MGST1: variants seen among roughly 807,000 people sequenced by gnomAD.
MGST1 encodes the protein glutathione S-transferase 12.
Under a neutral mutation model 8.9 loss-of-function variants are expected in MGST1, and 5 were observed. The ratio of observed to expected loss-of-function variants is 0.56; its 90% confidence interval spans 0.29 to 1.19. The LOEUF (loss-of-function observed/expected upper bound fraction) is 1.19. MGST1 is among the 50% of genes most tolerant of loss of function. The pLI, the probability that MGST1 is intolerant of heterozygous loss-of-function variation, is 0.08. For synonymous variants in MGST1, 54 were observed against 67.8 expected (o/e 0.80, Z 1.00); for missense variants, 182 against 187.4 (o/e 0.97, Z 0.17).
downstream of MGST1, among the ~76,000 whole-genome samples, chr12:16,365,750 C>CAT (rs3029451): frequency 0.53 from 79,583 of 151,464 alleles, 21,572 homozygotes; most frequent in East Asian, 0.68. Flanking sequence ...CGCGCACACA[C>CAT]ACACACACAC....
Position 16,389,947 on chromosome 12 carries a change from G to A in MGST1, n.778+6343G>A, listed in dbSNP as rs1940535652. Among the ~76,000 whole-genome samples, 1 of 152,198 alleles carries A rather than the reference G, an allele frequency of 6.6e-6. No homozygotes were observed. The highest frequency in any genetic ancestry group is 2.4e-5 in the African/African-American group (1 of 41,442). ...AGAGAGCAATGCTCTTGTGAAAAGG[G>A]AGTTGAAGTGCAATACAGACTGCAG... is the stretch of plus-strand genomic sequence containing the variant. On this transcript the variant is annotated intron_variant and non_coding_transcript_variant, in intron 1 of 1. Transcript: ENST00000359720. This position sits in a 1 kb window ranked among gnomAD's most constrained non-coding sequence, Gnocchi z 4.6.
rs879631774 is a variant in MGST1, at chr12:16,458,413, C to T, written n.482+74809C>T. Among the ~76,000 whole-genome samples, 1 of 151,976 alleles carries T rather than the reference C, an allele frequency of 6.6e-6. No individual in the cohort carries two copies. The highest frequency in any genetic ancestry group is 2.4e-5 in the African/African-American group (1 of 41,414). Reference sequence around the variant, plus strand: ...GAGCATAGATGTTGGACCCAGAGTTCTCCAAACTAAATTGTACTCTGAAGC... The same window carrying T: ...GAGCATAGATGTTGGACCCAGAGTTTTCCAAACTAAATTGTACTCTGAAGC... On this transcript the variant is annotated intron_variant and non_coding_transcript_variant, in intron 4 of 4. Coordinates refer to the MGST1 transcript ENST00000538857. This position sits in a 1 kb window ranked among gnomAD's most constrained non-coding sequence, Gnocchi z 4.0.
In MGST1 at chr12:16,508,187, G is replaced by C. The variant is rs1766540086; in HGVS notation, n.483-81341G>C. 2.6e-5 allele frequency among the ~76,000 whole-genome samples: 4 copies of C among 152,236 alleles called. No homozygotes were observed. In the East Asian group the frequency reaches 5.8e-4, roughly 22 times the overall value. ...TATGAAGAGCTTCGTACTAAATAGA[G>C]ACTTAGTACATTGCTGGTAAATGAA... On this transcript the variant is annotated intron_variant and non_coding_transcript_variant, in intron 4 of 4. Coordinates refer to the MGST1 transcript ENST00000538857.
chr12:16,460,053 G>T (rs935349562), intron 4 of MGST1, among the ~76,000 whole-genome samples: 3 of 152,022 alleles, frequency 2.0e-5, no homozygotes, highest in Non-Finnish European at 4.4e-5. Flanking sequence ...AAGAACAATA[G>T]AACATACTCT....
At chr12:16,409,977 G>GA (rs1012646419) in intron 1 of MGST1, among the ~76,000 whole-genome samples, 104 of 152,148 alleles carry the variant, frequency 6.8e-4, no homozygotes, top group African/African-American at 2.4e-3. Context: ...TTATCTCAGA[G>GA]ATAAATCCCT....
At chr12:16,519,629 G>C (rs1040701308) in intron 4 of MGST1, among the ~76,000 whole-genome samples, 12 of 98,356 alleles carry the variant, frequency 1.2e-4, no homozygotes, top group Admixed American at 1.2e-4. Context: ...CATGCTTTTT[G>C]CTAACAAATA....
chr12:16,466,731 T>C (rs1304586216), intron 4 of MGST1, among the ~76,000 whole-genome samples: 3 of 152,154 alleles, frequency 2.0e-5, no homozygotes, highest in Admixed American at 6.5e-5. Context: ...ATAGCAAAAG[T>C]AAGGCAAGGG....
rs1196977244 is a variant in MGST1 at position 16,369,831 on chromosome 12, C to T, written c.222-6291C>T. On this transcript the variant is annotated intron_variant, in intron 3 of 3. Transcript: ENST00000535309. The surrounding 1 kb of genome is among the most constrained non-coding windows in gnomAD (Gnocchi z 4.8). ...AGACAGGAAATGGAACTGCATAAAT[C>T]TCCTTTCAAGAGTCTGCAATCATTA... is the stretch of plus-strand genomic sequence containing the variant. 2 of 152,188 alleles carry T rather than the reference C, an allele frequency of 1.3e-5. No homozygotes were observed. Among genetic ancestry groups the T allele is most frequent in the Non-Finnish European group, 2.9e-5 (2 of 68,040 alleles). The allele number at this position is 152,188 out of a possible 1,614,324, so 9.4% of individuals were successfully genotyped here. A position where few individuals can be genotyped will look rare whatever the true frequency, so the allele number is the denominator to read the frequency against.
intron 4 of MGST1, among the ~76,000 whole-genome samples, chr12:16,567,917 TG>T: frequency 1.3e-5 from 2 of 152,246 alleles, no homozygotes; most frequent in East Asian, 3.9e-4. Flanking sequence ...TTGGACTTAC[TG>T]AGTAGCGATC....
At position 16,589,437 on chromosome 12, in the gene MGST1, G is replaced by A. The variant is rs972685849; in HGVS notation, n.483-91G>A. On this transcript the variant is annotated intron_variant and non_coding_transcript_variant, in intron 4 of 4. Coordinates refer to the MGST1 transcript ENST00000538857. The surrounding 1 kb of genome is among the most constrained non-coding windows in gnomAD (Gnocchi z 4.2). The stretch of plus-strand genomic sequence containing the variant: ...TGACTTCACAGTAAAAAATTAGGTC[G>A]TAGTGCAGATGAAAGCCTCCGTATA... 10 of 152,004 alleles carry A rather than the reference G, an allele frequency of 6.6e-5. No homozygotes were observed. The highest frequency in any genetic ancestry group is 9.7e-5 in the African/African-American group (4 of 41,382). The allele number at this position is 152,004 out of a possible 1,614,324, so 9.4% of individuals were successfully genotyped here.
chr12:16,435,581 T>C (rs1450588307), intron 1 of MGST1, among the ~76,000 whole-genome samples: 1 of 151,934 alleles, frequency 6.6e-6, no homozygotes, highest in African/African-American at 2.4e-5. Context: ...AGAAGAAAAT[T>C]TTCATCCATT....
intron 4 of MGST1, among the ~76,000 whole-genome samples, chr12:16,557,458 A>T (rs1942234474): frequency 6.6e-6 from 1 of 151,812 alleles, no homozygotes; most frequent in Non-Finnish European, 1.5e-5. Context: ...TAGGAGAATA[A>T]TTGGTATAAC....
At chr12:16,551,142 G>A (rs1353728819) in intron 4 of MGST1, 1 of 921,120 alleles carries the variant, frequency 1.1e-6, no homozygotes, top group Admixed American at 1.8e-5. Flanking sequence ...AGGTTCCTGT[G>A]TCAATTCTTA....
chr12:16,513,636 C>A lies in MGST1; in HGVS notation n.483-75892C>A. 1 of 496,324 alleles carries A rather than the reference C, an allele frequency of 2.0e-6. No individual in the cohort carries two copies. The allele number at this position is 496,324 out of a possible 1,614,324, so 30.7% of individuals were successfully genotyped here. A position where few individuals can be genotyped will look rare whatever the true frequency, so the allele number is the denominator to read the frequency against. ...CTTACAGCATCCACAAGGCAGAGGC[C>A]CAGATTGCAGCCAAAAATTTGGACG... is the stretch of plus-strand genomic sequence containing the variant. On this transcript the variant is annotated intron_variant and non_coding_transcript_variant, in intron 4 of 4. Coordinates refer to the MGST1 transcript ENST00000538857. This position sits in a 1 kb window ranked among gnomAD's most constrained non-coding sequence, Gnocchi z 4.2.
chr12:16,429,502 T>TG (rs1940920880), intron 1 of MGST1, among the ~76,000 whole-genome samples: 1 of 151,906 alleles, frequency 6.6e-6, no homozygotes, highest in South Asian at 2.1e-4. Context: ...GTCATCCTTT[T>TG]TTTTAATTAC....
Position 16,503,040 on chromosome 12 carries a change from A to G in MGST1, n.483-86488A>G, listed in dbSNP as rs1468937820. ...TGACATTAGGAGTAGAATATGAATG[A>G]CAAGTCAAATACAATCTCTGAGGGT... On this transcript the variant is annotated intron_variant and non_coding_transcript_variant, in intron 4 of 4. Transcript: ENST00000538857. The surrounding 1 kb of genome is among the most constrained non-coding windows in gnomAD (Gnocchi z 4.8). 2.0e-5 allele frequency among the ~76,000 whole-genome samples: 3 copies of G among 152,202 alleles called. No homozygotes were observed. Among genetic ancestry groups the G allele is most frequent in the Non-Finnish European group, 4.4e-5 (3 of 68,046 alleles).
At chr12:16,563,273 A>C (rs79095450) in intron 4 of MGST1, among the ~76,000 whole-genome samples, 2 of 152,120 alleles carry the variant, frequency 1.3e-5, no homozygotes, top group African/African-American at 4.8e-5. Context: ...TTGTCCAAGG[A>C]TCAAGAGATC....
intron 1 of MGST1, among the ~76,000 whole-genome samples, chr12:16,419,015 A>G (rs73318720): frequency 0.024 from 3,709 of 152,206 alleles, 150 homozygotes; most frequent in African/African-American, 0.084. Context: ...CATGTGGCCT[A>G]TTCAGAGACG....
rs1941622174 is a variant in MGST1, at chr12:16,517,480, T to C, written n.483-72048T>C. ...TGTACTAGATGAGGATCCTTGATCT[T>C]GGACTTGCCAGCCTCCAAAATCATG... On this transcript the variant is annotated intron_variant and non_coding_transcript_variant, in intron 4 of 4. Coordinates refer to the MGST1 transcript ENST00000538857. This position sits in a 1 kb window ranked among gnomAD's most constrained non-coding sequence, Gnocchi z 4.2. Among the ~76,000 whole-genome samples the C allele has an allele frequency of 6.6e-6, 1 of 152,210 alleles. No homozygotes were observed. Among genetic ancestry groups the C allele is most frequent in the Non-Finnish European group, 1.5e-5 (1 of 68,030 alleles).
Sources: allele counts gnomAD v4.1 joint callset (sites outside exome capture counted in the v4.1 genomes callset), GRCh38; gene constraint gnomAD v4.1.1; non-coding constraint Gnocchi (gnomAD v3.1); transcripts MANE v1.5; gene names NCBI Gene and HGNC (gene_info 2026-07-23, HGNC 2026-07-21).